The following PCSK6 variants were observed in gnomAD, a reference collection of about 807,000 sequenced individuals.
PCSK6 encodes the protein paired basic amino acid cleaving enzyme 4.
PCSK6 carries 85 observed loss-of-function variants against 123.3 expected under a neutral mutation model. The observed-to-expected ratio is 0.69, with a 90% CI of 0.58 to 0.83. PCSK6 has a LOEUF of 0.83. PCSK6 is among the 40% of genes least tolerant of loss of function. PCSK6 has a pLI of 0.00. For missense variants in PCSK6, 1,191 were observed against 1,282.3 expected (o/e 0.93, Z 1.09); for synonymous variants, 508 against 516.0 (o/e 0.98, Z 0.21).
chr15:101,452,295 A>G (rs1468772681), intron 1 of PCSK6, among the ~76,000 whole-genome samples: 2 of 152,072 alleles, frequency 1.3e-5, no homozygotes, highest in Non-Finnish European at 2.9e-5. Context: ...CTCGGCCTAT[A>G]TTTTCAAGGT....
rs907215040 is a variant in PCSK6 at position 101,332,226 on chromosome 15, C to T, written c.1859-195G>A. Among the ~76,000 whole-genome samples, 169 of 152,352 alleles carry T rather than the reference C, an allele frequency of 1.1e-3. 1 individual carries two copies. Among genetic ancestry groups the T allele is most frequent in the African/African-American group, 3.8e-3 (157 of 41,574 alleles). On this transcript the variant is annotated intron_variant, in intron 13 of 21. Transcript: ENST00000611716. ...GCTGCTTTCCCCCAGTGTCTCATTC[C>T]TGCAAGCCAGTGCCCTTTTATTCCT... is the stretch of plus-strand genomic sequence containing the variant.
At chr15:101,335,691 A>C (rs527699837) in intron 13 of PCSK6, among the ~76,000 whole-genome samples, 1 of 152,336 alleles carries the variant, frequency 6.6e-6, no homozygotes, top group African/African-American at 2.4e-5. Context: ...TTGTTTACTT[A>C]AACAATCCCC....
intron 15 of PCSK6, among the ~76,000 whole-genome samples, chr15:101,327,235 G>A (rs2040276131): frequency 6.6e-6 from 1 of 152,150 alleles, no homozygotes; most frequent in Admixed American, 6.5e-5. Flanking sequence ...CCGGAGGCTG[G>A]TGTGTTGTTG....
chr15:101,426,965 A>G (rs1330290248), intron 6 of PCSK6, among the ~76,000 whole-genome samples: 1 of 152,220 alleles, frequency 6.6e-6, no homozygotes, highest in East Asian at 1.9e-4. Context: ...CTCCTGGGTG[A>G]GGCCGCAGTC....
chr15:101,366,437 G>C, intron 12 of PCSK6, 105 bp from the exon 13 acceptor site: 1 of 1,212,240 alleles, frequency 8.2e-7, no homozygotes, highest in Non-Finnish European at 1.1e-6. Context: ...GACCTGGCTG[G>C]ACCGTACCCC....
At chr15:101,441,735 T>G (rs966244422) in intron 2 of PCSK6, among the ~76,000 whole-genome samples, 1 of 152,216 alleles carries the variant, frequency 6.6e-6, no homozygotes, top group Non-Finnish European at 1.5e-5. Context: ...AGCATGCTTA[T>G]GAGATGGGCT....
intron 7 of PCSK6, among the ~76,000 whole-genome samples, chr15:101,394,319 CTT>C (rs2042337144): frequency 6.6e-6 from 1 of 152,110 alleles, no homozygotes; most frequent in Non-Finnish European, 1.5e-5. Flanking sequence ...GAAAGCAAGT[CTT>C]TGAAAGACAG....
At chr15:101,453,674 C>T (rs971538012) in intron 1 of PCSK6, among the ~76,000 whole-genome samples, 4 of 152,230 alleles carry the variant, frequency 2.6e-5, no homozygotes, top group African/African-American at 9.6e-5. Context: ...AGGCTACAGG[C>T]AGCCTGTCGC....
chr15:101,451,300 G>T (rs149671212), intron 1 of PCSK6, among the ~76,000 whole-genome samples: 8 of 151,344 alleles, frequency 5.3e-5, no homozygotes, highest in Admixed American at 1.3e-4. Flanking sequence ...AGTTCCAAAG[G>T]TCCACCCGCC....
chr15:101,327,021 C>T (rs12901236), intron 15 of PCSK6, among the ~76,000 whole-genome samples: 53,112 of 152,052 alleles, frequency 0.35, 10,243 homozygotes, highest in Admixed American at 0.48. Context: ...TGCTCAGGAC[C>T]GCCTGGTGGG....
At chr15:101,312,208 AAACT>A (rs1296176920) in intron 20 of PCSK6, 1 of 149,986 alleles carries the variant, frequency 6.7e-6, no homozygotes, top group East Asian at 2.0e-4. Context: ...AGGTCCCTTC[AAACT>A]CCTCAATGTT....
chr15:101,430,590 C>T lies in PCSK6; in HGVS notation c.658-527G>A, dbSNP rs2056416137. Among the ~76,000 whole-genome samples the T allele has an allele frequency of 2.0e-5, 3 of 152,300 alleles. No homozygotes were observed. In the South Asian group the frequency reaches 6.2e-4, roughly 32 times the overall value. On this transcript the variant is annotated intron_variant, in intron 4 of 21. Transcript: ENST00000611716. Reference sequence around the variant, plus strand: ...GCTTTTGTTTATATGACTGTAACAGCAGTATTCACATAATTTTACATTCTC... The same window carrying T: ...GCTTTTGTTTATATGACTGTAACAGTAGTATTCACATAATTTTACATTCTC...
intron 11 of PCSK6, among the ~76,000 whole-genome samples, chr15:101,378,817 T>TG (rs2054029508): frequency 1.3e-5 from 2 of 152,250 alleles, no homozygotes; most frequent in African/African-American, 4.8e-5. Context: ...ACGTATCACT[T>TG]GGGGTCCCCT....
At chr15:101,358,569 T>C (rs1235720191) in intron 13 of PCSK6, among the ~76,000 whole-genome samples, 3 of 152,328 alleles carry the variant, frequency 2.0e-5, no homozygotes, top group South Asian at 2.1e-4. Flanking sequence ...AGCACTGGCA[T>C]AGCATCTGGC....
intron 13 of PCSK6, among the ~76,000 whole-genome samples, chr15:101,332,789 C>T (rs575855456): frequency 1.8e-4 from 27 of 152,316 alleles, no homozygotes; most frequent in African/African-American, 6.3e-4. Context: ...CCCGCCCCAC[C>T]GACAGCTCCA....
chr15:101,409,262 C>G (rs1338188556), intron 6 of PCSK6, among the ~76,000 whole-genome samples: 3 of 151,902 alleles, frequency 2.0e-5, no homozygotes, highest in Non-Finnish European at 2.9e-5. Context: ...TCGAGACCAT[C>G]CTGGCCAACA....
At chr15:101,451,692 G>A (rs1184636618) in intron 1 of PCSK6, among the ~76,000 whole-genome samples, 5 of 152,232 alleles carry the variant, frequency 3.3e-5, no homozygotes, top group South Asian at 2.1e-4. Flanking sequence ...GGCATCTGCC[G>A]AGGGCCTTGG....
At chr15:101,322,259 A>G (rs1458618037) in intron 18 of PCSK6, among the ~76,000 whole-genome samples, 1 of 152,190 alleles carries the variant, frequency 6.6e-6, no homozygotes, top group Non-Finnish European at 1.5e-5. Context: ...ATCTGGGCAC[A>G]GCCCTGTGCT....
At chr15:101,407,993 C>G (rs1191924182) in intron 6 of PCSK6, among the ~76,000 whole-genome samples, 1 of 152,254 alleles carries the variant, frequency 6.6e-6, no homozygotes, top group Non-Finnish European at 1.5e-5. Context: ...GACATCGAGG[C>G]TGACCCTTTC....
Sources: gnomAD v4.1 joint callset for allele counts (sites outside exome capture counted in the v4.1 genomes callset) on GRCh38, gnomAD v4.1.1 for gene constraint, MANE v1.5 for transcripts, NCBI Gene and HGNC (gene_info 2026-07-23, HGNC 2026-07-21) for gene names.